The following KAZN variants were observed in gnomAD, a reference collection of about 807,000 sequenced individuals.
KAZN encodes kazrin.
Under a neutral mutation model 87.4 loss-of-function variants are expected in KAZN, and 40 were observed. That is an observed-to-expected ratio of 0.46 (90% CI 0.36 to 0.60). The LOEUF (loss-of-function observed/expected upper bound fraction) is 0.60. KAZN is among the 20% of genes least tolerant of loss of function. The pLI, the probability that KAZN is intolerant of heterozygous loss-of-function variation, is 0.00. For missense variants in KAZN, 898 were observed against 1,073.9 expected, an observed-to-expected ratio of 0.84 and a Z score of 2.29; for synonymous variants, 466 against 458.3, an observed-to-expected ratio of 1.02 and a Z score of -0.22.
chr1:14,282,574 C>T (rs1221330484), intron 2 of KAZN, among the ~76,000 whole-genome samples: 1 of 152,160 alleles, frequency 6.6e-6, no homozygotes, highest in Non-Finnish European at 1.5e-5. Flanking sequence ...CCCCCCTTAG[C>T]CAACACAAAG....
chr1:14,936,441 G>A (rs940280277), intron 1 of KAZN, among the ~76,000 whole-genome samples: 2 of 152,256 alleles, frequency 1.3e-5, no homozygotes, highest in African/African-American at 2.4e-5. Context: ...TTCTAGCACT[G>A]GACATCCCGC....
intron 8 of KAZN, among the ~76,000 whole-genome samples, chr1:15,068,478 C>G (rs902119444): frequency 6.6e-6 from 1 of 152,146 alleles, no homozygotes; most frequent in African/African-American, 2.4e-5. Context: ...TCCTTCTCCC[C>G]CTGAGCTCCT....
At chr1:14,456,747 T>G (rs779883484) in intron 2 of KAZN, among the ~76,000 whole-genome samples, 1 of 152,164 alleles carries the variant, frequency 6.6e-6, no homozygotes, top group African/African-American at 2.4e-5. Flanking sequence ...GTTAAAATTT[T>G]TCTTAAGGTT....
At chr1:13,976,923 T>C (rs1362578107) in intron 1 of KAZN, among the ~76,000 whole-genome samples, 1 of 152,232 alleles carries the variant, frequency 6.6e-6, no homozygotes, top group Non-Finnish European at 1.5e-5. Context: ...TCTTACTTAA[T>C]GAATCCTTTT....
chr1:14,486,651 A>G (rs1669364804), intron 2 of KAZN, among the ~76,000 whole-genome samples: 1 of 152,232 alleles, frequency 6.6e-6, no homozygotes. Flanking sequence ...TGGTTGAGTC[A>G]GATAGACTCA....
At chr1:14,601,951 CT>C (rs1677014664) in intron 1 of KAZN, among the ~76,000 whole-genome samples, 1 of 152,148 alleles carries the variant, frequency 6.6e-6, no homozygotes, top group Admixed American at 6.5e-5. Flanking sequence ...AAAGAGTCAC[CT>C]TTTGCTTCCT....
chr1:14,126,324 C>T (rs1482685534), intron 1 of KAZN, among the ~76,000 whole-genome samples: 1 of 150,530 alleles, frequency 6.6e-6, no homozygotes, highest in Non-Finnish European at 1.5e-5. Context: ...ATCTCTATTC[C>T]ATGTATCATA....
At chr1:14,139,233 C>G (rs1041073258) in intron 1 of KAZN, among the ~76,000 whole-genome samples, 1 of 152,150 alleles carries the variant, frequency 6.6e-6, no homozygotes, top group African/African-American at 2.4e-5. Context: ...TGCCCATAGC[C>G]CATTGCTGCA....
At chr1:14,634,662 G>A (rs1199327113) in intron 1 of KAZN, among the ~76,000 whole-genome samples, 2 of 152,184 alleles carry the variant, frequency 1.3e-5, no homozygotes, top group African/African-American at 2.4e-5. Context: ...TCCTGGACAG[G>A]CTGGCTTTGT....
In KAZN at chr1:14,192,623, A is replaced by G. The variant is rs565012142; in HGVS notation, c.249+12031A>G. Among the ~76,000 whole-genome samples, 126 of 152,314 alleles carry G rather than the reference A, an allele frequency of 8.3e-4. 1 individual carries two copies. Among genetic ancestry groups the G allele is most frequent in the Middle Eastern group, 3.4e-3 (1 of 294 alleles). Reference sequence around the variant, plus strand: ...CTAGTGTTCGTAAGTGATGTGTACCATAGTTGAGTGTATGTGATGACTTTT... The same window carrying G: ...CTAGTGTTCGTAAGTGATGTGTACCGTAGTTGAGTGTATGTGATGACTTTT... On this transcript the variant is annotated intron_variant, in intron 2 of 16. Coordinates refer to the KAZN transcript ENST00000636203.
chr1:14,925,799 A>C (rs1360561429), intron 1 of KAZN, among the ~76,000 whole-genome samples: 1 of 152,192 alleles, frequency 6.6e-6, no homozygotes, highest in African/African-American at 2.4e-5. Flanking sequence ...TCTGGGTGTC[A>C]GGGCAGAGTA....
chr1:14,126,312 G>A lies in KAZN; in HGVS notation c.92-54123G>A, dbSNP rs1001727394. 1.1e-4 allele frequency among the ~76,000 whole-genome samples: 16 copies of A among 151,882 alleles called. 1 individual carries two copies. The highest frequency in any genetic ancestry group is 3.9e-4 in the East Asian group (2 of 5,134). ...TAGAATTCCAACAGGAAAAGGCCTC[G>A]CATCTCTATTCCATGTATCATAAAG... On this transcript the variant is annotated intron_variant, in intron 1 of 16. Transcript: ENST00000636203.
chr1:14,673,715 C>A (rs970947262), intron 1 of KAZN, among the ~76,000 whole-genome samples: 1 of 152,178 alleles, frequency 6.6e-6, no homozygotes, highest in East Asian at 1.9e-4. Context: ...CAGGAATTGA[C>A]GTAGTTTAAC....
intron 1 of KAZN, among the ~76,000 whole-genome samples, chr1:13,997,403 G>A (rs1434733327): frequency 1.3e-5 from 2 of 151,966 alleles, no homozygotes; most frequent in South Asian, 2.1e-4. Context: ...TTCAGAAGAT[G>A]GGTAATAAAA....
At chr1:14,180,517 C>G in exon 2 of KAZN, 1 of 1,550,236 alleles carries the variant, frequency 6.5e-7, no homozygotes, top group Non-Finnish European at 8.7e-7. Flanking sequence ...AGGACAAAGA[C>G]CCTTTTCTAC....
At chr1:14,179,403 ATGT>A (rs1002055591) in intron 1 of KAZN, among the ~76,000 whole-genome samples, 64 of 152,354 alleles carry the variant, frequency 4.2e-4, no homozygotes, top group African/African-American at 1.4e-3. Flanking sequence ...TCACAATCCC[ATGT>A]TGTCCAATGT....
intron 2 of KAZN, among the ~76,000 whole-genome samples, chr1:14,464,273 A>G (rs1216184916): frequency 1.3e-5 from 2 of 152,346 alleles, no homozygotes; most frequent in African/African-American, 2.4e-5. Flanking sequence ...TGGCTTGCAA[A>G]GTAGTGTTAT....
chr1:14,406,884 A>C (rs530255080), intron 2 of KAZN, among the ~76,000 whole-genome samples: 1 of 152,286 alleles, frequency 6.6e-6, no homozygotes, highest in South Asian at 2.1e-4. Flanking sequence ...AGCTAATAAT[A>C]GTAGATAGCT....
intron 2 of KAZN, among the ~76,000 whole-genome samples, chr1:14,570,481 G>A (rs1213892506): frequency 3.3e-5 from 5 of 152,104 alleles, no homozygotes; most frequent in African/African-American, 9.7e-5. Context: ...CATATAAGTG[G>A]AATTGTACAA....
Sources: allele counts gnomAD v4.1 joint callset (sites outside exome capture counted in the v4.1 genomes callset), GRCh38; gene constraint gnomAD v4.1.1; transcripts MANE v1.5; gene names NCBI Gene and HGNC (gene_info 2026-07-23, HGNC 2026-07-21).